RAPGEF1: variants seen among roughly 807,000 people sequenced by gnomAD.
RAPGEF1 encodes Rap guanine nucleotide exchange factor 1, also known as CRK SH3-binding GNRP.
RAPGEF1 carries 33 observed loss-of-function variants against 143.3 expected under a neutral mutation model. That is an observed-to-expected ratio of 0.23 (90% confidence interval 0.17 to 0.31). The LOEUF (loss-of-function observed/expected upper bound fraction) is 0.31, where lower values mean the gene tolerates loss of function less well. Ranked by LOEUF, RAPGEF1 falls within the 10% of genes least tolerant of loss-of-function variation. The pLI, the probability that RAPGEF1 is intolerant of heterozygous loss-of-function variation, is 1.00. For synonymous variants in RAPGEF1, 629 were observed against 676.5 expected, an observed-to-expected ratio of 0.93 and a Z score of 1.09; for missense variants, 1,199 against 1,645.4, an observed-to-expected ratio of 0.73 and a Z score of 4.69.
At chr9:131,657,044 A>G (rs1330468040) in intron 1 of RAPGEF1, among the ~76,000 whole-genome samples, 1 of 152,238 alleles carries the variant, frequency 6.6e-6, no homozygotes, top group East Asian at 1.9e-4. Flanking sequence ...CTAGGACAGT[A>G]TGTTTGTCAC....
At chr9:131,627,136 C>G (rs1232398316) in intron 9 of RAPGEF1, among the ~76,000 whole-genome samples, 1 of 146,652 alleles carries the variant, frequency 6.8e-6, no homozygotes, top group Non-Finnish European at 1.5e-5. Flanking sequence ...ATCACTTGAA[C>G]CCGGGAGGCG....
At position 131,583,758 on chromosome 9, in the gene RAPGEF1, G is replaced by A. The variant is rs1397443251; in HGVS notation, c.3414+553C>T. Among the ~76,000 whole-genome samples the A allele has an allele frequency of 2.0e-5, 3 of 152,114 alleles. No individual in the cohort carries two copies. The highest frequency in any genetic ancestry group is 2.4e-5 in the African/African-American group (1 of 41,432). On this transcript the variant is annotated intron_variant, in intron 24 of 26. Transcript: ENST00000683357. This position sits in a 1 kb window ranked among gnomAD's most constrained non-coding sequence, Gnocchi z 4.7. Reference sequence around the variant, plus strand: ...GTCCCCTGGCCTCCTCCTGTCCCTGGAGGTGCTGACCCCCACCTGCTCCTG... The same window carrying A: ...GTCCCCTGGCCTCCTCCTGTCCCTGAAGGTGCTGACCCCCACCTGCTCCTG...
chr9:131,732,043 C>T (rs1028195542), intron 1 of RAPGEF1, among the ~76,000 whole-genome samples: 2 of 152,156 alleles, frequency 1.3e-5, no homozygotes, highest in Non-Finnish European at 2.9e-5. Flanking sequence ...GAACCTCCCC[C>T]CCTGTACCTT....
chr9:131,622,779 T>TA (rs986477920), intron 10 of RAPGEF1, among the ~76,000 whole-genome samples: 20 of 151,318 alleles, frequency 1.3e-4, no homozygotes, highest in Non-Finnish European at 2.9e-4. Flanking sequence ...TCCTTTTTTT[T>TA]TTTTTGAGAC....
chr9:131,596,135 T>G (rs1419517268), intron 17 of RAPGEF1, among the ~76,000 whole-genome samples, 163 bp downstream of exon 17: 1 of 152,140 alleles, frequency 6.6e-6, no homozygotes, highest in Non-Finnish European at 1.5e-5. Flanking sequence ...GATCTACTTG[T>G]CTTCCAAGGT....
chr9:131,706,801 C>T (rs930671293), intron 1 of RAPGEF1, among the ~76,000 whole-genome samples: 2 of 152,200 alleles, frequency 1.3e-5, no homozygotes, highest in African/African-American at 2.4e-5. Context: ...AAACCCTATG[C>T]GCCAAAGATG....
chr9:131,586,963 C>T (rs1328073028), intron 22 of RAPGEF1, among the ~76,000 whole-genome samples: 1 of 92,506 alleles, frequency 1.1e-5, no homozygotes, highest in East Asian at 3.0e-4. Flanking sequence ...GAGACTCCGT[C>T]TCAAACACAC....
chr9:131,679,326 G>C (rs539713158), intron 1 of RAPGEF1, among the ~76,000 whole-genome samples: 1 of 152,168 alleles, frequency 6.6e-6, no homozygotes, highest in African/African-American at 2.4e-5. Context: ...AAATGATGTG[G>C]GATGCCCCTC....
chr9:131,699,529 G>A (rs1223117488), intron 1 of RAPGEF1, among the ~76,000 whole-genome samples: 3 of 152,118 alleles, frequency 2.0e-5, no homozygotes, highest in Non-Finnish European at 4.4e-5. Context: ...CAGGCATGAG[G>A]CACTGCGCCT....
chr9:131,598,223 C>T lies in RAPGEF1; in HGVS notation c.2589G>A (p.Met863Ile), dbSNP rs760368599. ...CCTCCTGCTTGAGCGTCAGCCTGGA[C>T]ATAATTTCGTTGTGGTCAATGAGGG... The part of the protein sequence containing the change: ...ELSLIDHNEI[M>I]SRLTLKQEGD... Residue 863 changes from methionine (M) to isoleucine (I), a missense_variant, in exon 16 of 27, where the codon ATG becomes ATA. Physicochemically the swap from Met to Ile is conservative, Grantham distance 10. Transcript: ENST00000683357. The T allele has an allele frequency of 6.2e-7, 1 of 1,614,020 alleles. No individual in the cohort carries two copies. The highest frequency in any genetic ancestry group is 8.5e-7 in the Non-Finnish European group (1 of 1,179,900).
At chr9:131,713,774 G>A (rs1835670942) in intron 1 of RAPGEF1, among the ~76,000 whole-genome samples, 1 of 152,060 alleles carries the variant, frequency 6.6e-6, no homozygotes, top group Non-Finnish European at 1.5e-5. Flanking sequence ...GGGCCACAGA[G>A]CGAGAACCCA....
At chr9:131,613,089 T>C (rs185108633) in intron 12 of RAPGEF1, among the ~76,000 whole-genome samples, 16 of 152,338 alleles carry the variant, frequency 1.1e-4, no homozygotes, top group African/African-American at 2.6e-4. Flanking sequence ...CTGATGCTAA[T>C]AGCTCCCTTT....
intron 12 of RAPGEF1, among the ~76,000 whole-genome samples, chr9:131,606,862 TG>T (rs1238765614): frequency 6.6e-6 from 1 of 152,124 alleles, no homozygotes; most frequent in African/African-American, 2.4e-5. Flanking sequence ...TGAGCTCAAA[TG>T]ATCTGCCCGC....
intron 10 of RAPGEF1, among the ~76,000 whole-genome samples, chr9:131,623,713 C>G (rs1257673529): frequency 6.6e-6 from 1 of 152,202 alleles, no homozygotes; most frequent in Non-Finnish European, 1.5e-5. Flanking sequence ...AGGTGCCGGA[C>G]AGTGATCACA....
chr9:131,590,839 A>AG (rs1954101084), intron 18 of RAPGEF1, among the ~76,000 whole-genome samples: 1 of 152,364 alleles, frequency 6.6e-6, no homozygotes, highest in South Asian at 2.1e-4. Context: ...CGCAGGCAGC[A>AG]GGGGGCAAGC....
At chr9:131,586,487 A>C (rs13287022) in intron 22 of RAPGEF1, among the ~76,000 whole-genome samples, 4 of 28,650 alleles carry the variant, frequency 1.4e-4, no homozygotes, top group African/African-American at 8.3e-4. Flanking sequence ...CTCCGTCTCA[A>C]ACACACACAC....
chr9:131,620,274 CTT>C (rs10708548), intron 11 of RAPGEF1, among the ~76,000 whole-genome samples: 3,279 of 146,054 alleles, frequency 0.022, 94 homozygotes, highest in African/African-American at 0.066. Context: ...TCAGCAATGG[CTT>C]TTTTTTTTTT....
intron 10 of RAPGEF1, among the ~76,000 whole-genome samples, chr9:131,623,970 G>A (rs1962118898): frequency 6.6e-6 from 1 of 152,218 alleles, no homozygotes; most frequent in African/African-American, 2.4e-5. Flanking sequence ...CAGCAGACTG[G>A]GGACAAGGAT....
At chr9:131,648,070 T>A (rs925199110) in intron 3 of RAPGEF1, among the ~76,000 whole-genome samples, 3 of 152,200 alleles carry the variant, frequency 2.0e-5, no homozygotes, top group Non-Finnish European at 4.4e-5. Context: ...TTTTTCTCTG[T>A]GACCTCTCTT....
Sources: gnomAD v4.1 joint callset for allele counts (sites outside exome capture counted in the v4.1 genomes callset) on GRCh38, gnomAD v4.1.1 for gene constraint, Gnocchi (gnomAD v3.1) non-coding constraint, MANE v1.5 for transcripts, NCBI Gene and HGNC (gene_info 2026-07-23, HGNC 2026-07-21) for gene names.